SERPINB12: variants seen among roughly 807,000 people sequenced by gnomAD.
SERPINB12 encodes the protein serpin family B member 12.
Under a neutral mutation model 41.1 loss-of-function variants are expected in SERPINB12, and 57 were observed. That is an observed-to-expected ratio of 1.39 (90% CI 1.12 to 1.73). SERPINB12 has a LOEUF of 1.73. Ranked by LOEUF, SERPINB12 falls within the 40% of genes most tolerant of loss-of-function variation. The probability of loss-of-function intolerance (pLI) is 0.00; values close to 1 mark genes in which losing one functional copy is unlikely to be tolerated. For synonymous variants in SERPINB12, 180 were observed against 181.3 expected (o/e 0.99, Z 0.06); for missense variants, 536 against 501.9 (o/e 1.07, Z -0.65).
At chr18:63,521,627 G>C in the SERPINB12 span, among the ~76,000 whole-genome samples, 5 of 152,160 alleles carry the variant, frequency 3.3e-5, no homozygotes, top group Non-Finnish European at 5.9e-5. Context: ...AAAAAAGGTA[G>C]GCACAAGCAA....
intron 2 of SERPINB12, among the ~76,000 whole-genome samples, chr18:63,556,842 G>T (rs192847983): frequency 6.6e-6 from 1 of 152,086 alleles, no homozygotes; most frequent in South Asian, 2.1e-4. Context: ...CATAATCCAG[G>T]CACTTCTCCC....
At chr18:63,536,061 A>C in the SERPINB12 span, among the ~76,000 whole-genome samples, 1 of 152,018 alleles carries the variant, frequency 6.6e-6, no homozygotes, top group Non-Finnish European at 1.5e-5. Context: ...TGTAAAACAA[A>C]TGAGACAAAA....
intron 4 of SERPINB12, 41 bp downstream of exon 4, chr18:63,559,759 A>G (rs1013296224): frequency 5.0e-6 from 8 of 1,606,282 alleles, no homozygotes; most frequent in African/African-American, 1.3e-5. Flanking sequence ...ACCATGTAGC[A>G]TACTATTTAA....
intron 4 of SERPINB12, 148 bp downstream of exon 4, chr18:63,559,866 C>T: frequency 1.4e-6 from 1 of 719,478 alleles, no homozygotes; most frequent in Non-Finnish European, 2.3e-6. Context: ...CCAGGACCTC[C>T]CTCTTTCAGT....
chr18:63,564,719 C>G (rs1400041806), intron 6 of SERPINB12, among the ~76,000 whole-genome samples: 3 of 152,090 alleles, frequency 2.0e-5, no homozygotes, highest in Non-Finnish European at 2.9e-5. Context: ...CATGTCTGCC[C>G]TTGGTGCTGT....
At chr18:63,555,958 T>A (rs1910658334) in intron 1 of SERPINB12, among the ~76,000 whole-genome samples, 184 bp from the exon 2 acceptor site, 1 of 152,212 alleles carries the variant, frequency 6.6e-6, no homozygotes, top group Non-Finnish European at 1.5e-5. Flanking sequence ...AAAATAGATC[T>A]CTGTCTATCA....
At chr18:63,534,337 T>C in the SERPINB12 span, among the ~76,000 whole-genome samples, 5 of 152,182 alleles carry the variant, frequency 3.3e-5, no homozygotes, top group Non-Finnish European at 5.9e-5. Flanking sequence ...AACAATTATC[T>C]GTGGGTACTT....
In SERPINB12 at chr18:63,556,319, A is replaced by T. The variant is rs769049515; in HGVS notation, c.160A>T (p.Ile54Phe). 3.7e-6 allele frequency: 6 copies of T among 1,613,562 alleles called. No homozygotes were observed. In the South Asian group the frequency reaches 6.6e-5, roughly 18 times the overall value. ...TGCTAGAAGTGACAGTGCACATCAG[A>T]TTGATGAGGTACGTGTCCACTAGGG... ...LGARSDSAHQ[I>F]DEVLHFNEFS... The change falls in exon 2 of 8, where the codon ATT (isoleucine) becomes TTT (phenylalanine). Residue 54 changes from isoleucine (I) to phenylalanine (F), a missense_variant. Physicochemically the swap from Ile to Phe is conservative, Grantham distance 21. Coordinates refer to ENST00000382768, the MANE Select transcript of SERPINB12 (RefSeq NM_001307928.2).
upstream of SERPINB12, among the ~76,000 whole-genome samples, chr18:63,538,802 T>C (rs1910220464): frequency 6.6e-6 from 1 of 152,218 alleles, no homozygotes; most frequent in Non-Finnish European, 1.5e-5. Context: ...ATTTTACATT[T>C]CCACCAGCTA....
At chr18:63,539,304 A>C (rs1233060089), upstream of SERPINB12, among the ~76,000 whole-genome samples, 1 of 152,168 alleles carries the variant, frequency 6.6e-6, no homozygotes, top group African/African-American at 2.4e-5. Flanking sequence ...TAATTCTAAA[A>C]GTGTGCTAAA....
chr18:63,537,097 T>C, the SERPINB12 span, among the ~76,000 whole-genome samples: 12 of 152,192 alleles, frequency 7.9e-5, no homozygotes, highest in Non-Finnish European at 1.5e-4. Context: ...TAATTAAATA[T>C]GTTATCAAGA....
At chr18:63,564,149 G>C (rs1331908000) in intron 6 of SERPINB12, 29 bp downstream of exon 6, 1 of 1,593,516 alleles carries the variant, frequency 6.3e-7, no homozygotes, top group Non-Finnish European at 8.5e-7. Flanking sequence ...TGGTTTTCTA[G>C]CTAGCCAACT....
intron 1 of SERPINB12, among the ~76,000 whole-genome samples, chr18:63,544,843 A>G (rs1910348786): frequency 6.6e-6 from 1 of 152,174 alleles, no homozygotes; most frequent in Non-Finnish European, 1.5e-5. Context: ...GCTTTAGATA[A>G]AAGATGCATT....
chr18:63,536,181 TTC>T, the SERPINB12 span, among the ~76,000 whole-genome samples: 1 of 151,788 alleles, frequency 6.6e-6, no homozygotes, highest in South Asian at 2.1e-4. Flanking sequence ...AAAGAAACAG[TTC>T]TTTCAAAAAA....
At chr18:63,528,231 T>G in the SERPINB12 span, among the ~76,000 whole-genome samples, 2 of 152,120 alleles carry the variant, frequency 1.3e-5, no homozygotes, top group Non-Finnish European at 2.9e-5. Flanking sequence ...TTGAATGATC[T>G]GTTTAATAGC....
At chr18:63,533,862 C>T in the SERPINB12 span, among the ~76,000 whole-genome samples, 3 of 151,958 alleles carry the variant, frequency 2.0e-5, no homozygotes, top group African/African-American at 7.3e-5. Flanking sequence ...CTCATATTTT[C>T]CTAGATGTAA....
chr18:63,566,600 C>G lies in SERPINB12; in HGVS notation c.874-7C>G. 1.3e-6 allele frequency: 2 copies of G among 1,597,456 alleles called. No individual in the cohort carries two copies. Among genetic ancestry groups the G allele is most frequent in the Non-Finnish European group, 1.7e-6 (2 of 1,173,928 alleles). On this transcript the variant is annotated splice_polypyrimidine_tract_variant and splice_region_variant and intron_variant, in intron 7 of 7. Coordinates refer to ENST00000382768, the MANE Select transcript of SERPINB12 (RefSeq NM_001307928.2). ...TGATGCTAAATATTATTTCCTTCCT[C>G]TTGTAGCTTGAAAGGAAAATCACCT...
the SERPINB12 span, among the ~76,000 whole-genome samples, chr18:63,529,521 C>A: frequency 7.2e-5 from 11 of 152,154 alleles, no homozygotes; most frequent in Non-Finnish European, 1.3e-4. Flanking sequence ...ACAACTTGCA[C>A]AGATAAAAGC....
chr18:63,558,182 T>A (rs969607740), intron 2 of SERPINB12, among the ~76,000 whole-genome samples, 170 bp from the exon 3 acceptor site: 1 of 152,218 alleles, frequency 6.6e-6, no homozygotes, highest in Non-Finnish European at 1.5e-5. Flanking sequence ...TTCTCCTCGA[T>A]TCCACCTCCC....
Sources: allele counts gnomAD v4.1 joint callset (sites outside exome capture counted in the v4.1 genomes callset), GRCh38; gene constraint gnomAD v4.1.1; transcripts MANE v1.5; gene names NCBI Gene and HGNC (gene_info 2026-07-23, HGNC 2026-07-21).